The following PPP1R13B variants were observed in gnomAD, a reference collection of about 807,000 sequenced individuals.
PPP1R13B encodes the protein protein phosphatase 1 regulatory subunit 13B.
PPP1R13B carries 44 observed loss-of-function variants against 119.8 expected under a neutral mutation model. The ratio of observed to expected loss-of-function variants is 0.37; its 90% CI spans 0.29 to 0.47. The LOEUF (loss-of-function observed/expected upper bound fraction) is 0.47, where lower values mean the gene tolerates loss of function less well. Among genes scored for constraint, PPP1R13B ranks in the 20% least tolerant of loss-of-function variants. The pLI is 0.99. For synonymous variants in PPP1R13B, 542 were observed against 561.5 expected, an observed-to-expected ratio of 0.97 and a Z score of 0.49; for missense variants, 1,227 against 1,413.5, an observed-to-expected ratio of 0.87 and a Z score of 2.12.
intron 1 of PPP1R13B, among the ~76,000 whole-genome samples, chr14:103,799,752 T>C (rs1267248939): frequency 6.6e-6 from 1 of 151,724 alleles, no homozygotes; most frequent in South Asian, 2.1e-4. Flanking sequence ...ACAATACACC[T>C]AAAGTAAAAA....
At chr14:103,838,724 G>A (rs2086833857) in intron 1 of PPP1R13B, among the ~76,000 whole-genome samples, 1 of 152,146 alleles carries the variant, frequency 6.6e-6, no homozygotes, top group Non-Finnish European at 1.5e-5. Flanking sequence ...TATTTACTGA[G>A]CATTTACTAC....
At chr14:103,818,490 C>T (rs1030038381) in intron 1 of PPP1R13B, 3 of 982,484 alleles carry the variant, frequency 3.1e-6, no homozygotes, top group Non-Finnish European at 3.6e-6. Flanking sequence ...CCTGTTTTCA[C>T]ACAGGGAGAA....
rs753973944 is a variant in PPP1R13B at position 103,736,126 on chromosome 14, G to A, written c.3108C>T (p.Asp1036=). The part of the protein sequence containing the change: ...ALWDYEAQNS[D]ELSFHEGDAL... ...CGTCCCCTTCGTGGAAGGACAGCTC[G>A]TCACTGTTCTGGGCCTCGTAGTCCC... Residue 1036 remains aspartate, a synonymous_variant, in exon 16 of 17, where the codon GAC becomes GAT. Coordinates refer to ENST00000202556, the MANE Select transcript of PPP1R13B (RefSeq NM_015316.3). 72 of 1,614,098 alleles carry A rather than the reference G, an allele frequency of 4.5e-5. No homozygotes were observed. The highest frequency in any genetic ancestry group is 5.3e-5 in the Non-Finnish European group (63 of 1,180,046).
At position 103,775,245 on chromosome 14, in the gene PPP1R13B, C is replaced by G. The variant is rs996636992; in HGVS notation, c.354+3500G>C. Among the ~76,000 whole-genome samples the G allele has an allele frequency of 3.4e-4, 52 of 151,478 alleles. 1 individual carries two copies. Among genetic ancestry groups the G allele is most frequent in the Middle Eastern group, 3.4e-3 (1 of 292 alleles). ...GAAGTTCAGGTCATGGTAATTCTTT[C>G]TTCCTTTCTTTCTTTCACTTATTAT... On this transcript the variant is annotated intron_variant, in intron 4 of 16. Transcript: ENST00000202556.
At chr14:103,836,919 A>G (rs557351177) in intron 1 of PPP1R13B, among the ~76,000 whole-genome samples, 1 of 152,298 alleles carries the variant, frequency 6.6e-6, no homozygotes, top group African/African-American at 2.4e-5. Flanking sequence ...TACTAGCTCT[A>G]TCACAAAAAT....
chr14:103,810,227 G>T (rs965807778), intron 1 of PPP1R13B, among the ~76,000 whole-genome samples: 4 of 148,268 alleles, frequency 2.7e-5, no homozygotes, highest in Admixed American at 2.7e-4. Flanking sequence ...TTCGAAACCA[G>T]CCTGGCCAAC....
chr14:103,794,545 C>G (rs1177105173), intron 2 of PPP1R13B: 1 of 362,986 alleles, frequency 2.8e-6, no homozygotes, highest in Non-Finnish European at 5.4e-6. Flanking sequence ...CCAGGCTGGT[C>G]TCAAACTCCT....
chr14:103,813,698 G>A (rs2086212623), intron 1 of PPP1R13B, among the ~76,000 whole-genome samples: 1 of 152,120 alleles, frequency 6.6e-6, no homozygotes. Context: ...TTATAGCAGG[G>A]TAAGAGAAGA....
intron 2 of PPP1R13B, among the ~76,000 whole-genome samples, chr14:103,786,519 C>T (rs555175430): frequency 6.6e-6 from 1 of 152,116 alleles, no homozygotes; most frequent in East Asian, 1.9e-4. Flanking sequence ...AATTCTAGCA[C>T]TTTGGGAGGC....
chr14:103,752,205 T>C (rs1004799209), intron 7 of PPP1R13B, among the ~76,000 whole-genome samples: 1 of 152,348 alleles, frequency 6.6e-6, no homozygotes, highest in East Asian at 1.9e-4. Flanking sequence ...TTCCTTTGCA[T>C]GCCACGCTGG....
At chr14:103,820,761 G>A (rs1489878619) in intron 1 of PPP1R13B, among the ~76,000 whole-genome samples, 1 of 150,150 alleles carries the variant, frequency 6.7e-6, no homozygotes, top group Non-Finnish European at 1.5e-5. Flanking sequence ...GCTTCCCAAG[G>A]TGCTGGTATT....
At chr14:103,803,748 T>C (rs1365990438) in intron 1 of PPP1R13B, among the ~76,000 whole-genome samples, 2 of 152,186 alleles carry the variant, frequency 1.3e-5, no homozygotes, top group Non-Finnish European at 2.9e-5. Flanking sequence ...CTGTAACAAA[T>C]ATAGCATGTA....
rs140614150 is a variant in PPP1R13B, at chr14:103,809,088, C to T, written c.10-11570G>A. On this transcript the variant is annotated intron_variant, in intron 1 of 16. Coordinates refer to ENST00000202556, the MANE Select transcript of PPP1R13B (RefSeq NM_015316.3). ...CCCAGGCTGGTCTCTAACTCCTGGGCTCAATTATCCTCCCGCCTTGGCCTC... is the reference window on the plus strand; with the variant it reads ...CCCAGGCTGGTCTCTAACTCCTGGGTTCAATTATCCTCCCGCCTTGGCCTC... Among the ~76,000 whole-genome samples the T allele has an allele frequency of 4.1e-3, 623 of 152,172 alleles. 3 individuals carry two copies. Among genetic ancestry groups the T allele is most frequent in the Middle Eastern group, 0.01 (3 of 294 alleles).
chr14:103,800,851 TTTC>T (rs1328989057), intron 1 of PPP1R13B, among the ~76,000 whole-genome samples: 9 of 151,880 alleles, frequency 5.9e-5, no homozygotes, highest in African/African-American at 1.7e-4. Flanking sequence ...TTTCATTTTT[TTTC>T]TTCTTCTTTT....
chr14:103,773,715 G>T (rs1248019907), intron 4 of PPP1R13B, among the ~76,000 whole-genome samples: 1 of 152,178 alleles, frequency 6.6e-6, no homozygotes, highest in East Asian at 1.9e-4. Context: ...ACAACACCAT[G>T]TACCTCTGGA....
At chr14:103,747,922 C>T (rs987849546) in intron 8 of PPP1R13B, among the ~76,000 whole-genome samples, 3 of 152,192 alleles carry the variant, frequency 2.0e-5, no homozygotes, top group Non-Finnish European at 4.4e-5. Context: ...CAGAGAGACG[C>T]CCTGAGAAAG....
chr14:103,844,129 C>T (rs1442101624), intron 1 of PPP1R13B, among the ~76,000 whole-genome samples: 3 of 151,710 alleles, frequency 2.0e-5, no homozygotes, highest in African/African-American at 7.3e-5. Flanking sequence ...TAGCCGTTTG[C>T]CGTGGCGTGT....
intron 1 of PPP1R13B, among the ~76,000 whole-genome samples, chr14:103,809,229 T>C (rs528315423): frequency 6.6e-6 from 1 of 152,310 alleles, no homozygotes; most frequent in South Asian, 2.1e-4. Flanking sequence ...AATAACCTTA[T>C]CAATTCTGTT....
chr14:103,735,161 A>G lies in PPP1R13B; in HGVS notation c.3266T>C (p.Leu1089Pro), dbSNP rs1179949164. ...YPRIKPRQRT[L>P]A ...GGTGCTCCAAAAGGAAGTTCAGGCG[A>G]GTGTTCGCTGTCGGGGTTTGATCCG... Residue 1089 changes from leucine (L) to proline (P), a missense_variant, in exon 17 of 17, where the codon CTC (leucine) becomes CCC (proline). Coordinates refer to ENST00000202556, the MANE Select transcript of PPP1R13B (RefSeq NM_015316.3). 1 of 1,613,986 alleles carries G rather than the reference A, an allele frequency of 6.2e-7. No homozygotes were observed. The highest frequency in any genetic ancestry group is 1.3e-5 in the African/African-American group (1 of 74,880).
Sources: allele counts gnomAD v4.1 joint callset (sites outside exome capture counted in the v4.1 genomes callset), GRCh38; gene constraint gnomAD v4.1.1; transcripts MANE v1.5; gene names NCBI Gene and HGNC (gene_info 2026-07-23, HGNC 2026-07-21).